Variants in ETV6 observed in about 807,000 individuals in gnomAD.
ETV6 encodes the protein ETS variant transcription factor 6, also known as transcription factor ETV6.
Under a neutral mutation model 51.1 loss-of-function variants are expected in ETV6, and 16 were observed. The observed-to-expected ratio is 0.31, with a 90% CI of 0.21 to 0.48. The LOEUF (loss-of-function observed/expected upper bound fraction) is 0.48, where lower values mean the gene tolerates loss of function less well. Ranked by LOEUF, ETV6 falls within the 20% of genes least tolerant of loss-of-function variation. ETV6 has a pLI of 0.99. For synonymous variants in ETV6, 240 were observed against 224.1 expected (o/e 1.07, Z -0.64); for missense variants, 458 against 594.8 (o/e 0.77, Z 2.39).
chr12:11,814,788 T>C (rs1332448300), intron 2 of ETV6, among the ~76,000 whole-genome samples: 1 of 152,148 alleles, frequency 6.6e-6, no homozygotes, highest in East Asian at 1.9e-4. Context: ...TGTCTAGGAA[T>C]GCAGGGGTTA....
At chr12:11,682,486 T>G (rs1864550017) in intron 1 of ETV6, among the ~76,000 whole-genome samples, 1 of 152,218 alleles carries the variant, frequency 6.6e-6, no homozygotes, top group Admixed American at 6.5e-5. Context: ...ATGGATAGAT[T>G]GCAAAAATTT....
At chr12:11,783,361 G>C (rs1348781594) in intron 2 of ETV6, among the ~76,000 whole-genome samples, 2 of 152,182 alleles carry the variant, frequency 1.3e-5, no homozygotes, top group East Asian at 3.8e-4. Flanking sequence ...GCTTTTCCAA[G>C]TAGGGAAGTC....
intron 2 of ETV6, among the ~76,000 whole-genome samples, chr12:11,792,406 C>T (rs758323994): frequency 3.3e-5 from 5 of 152,098 alleles, no homozygotes; most frequent in South Asian, 4.1e-4. Context: ...AATTAATCCT[C>T]GGCCAGGCGA....
intron 1 of ETV6, among the ~76,000 whole-genome samples, chr12:11,751,636 G>T (rs1591649341): frequency 6.6e-6 from 1 of 152,158 alleles, no homozygotes; most frequent in Non-Finnish European, 1.5e-5. Flanking sequence ...AACACTGCTT[G>T]TTTGAATTCA....
At chr12:11,859,516 T>A (rs923897705) in intron 4 of ETV6, among the ~76,000 whole-genome samples, 1 of 152,086 alleles carries the variant, frequency 6.6e-6, no homozygotes, top group African/African-American at 2.4e-5. Context: ...TGTTCTAAGC[T>A]CTTATATCTT....
chr12:11,827,566 C>T (rs1657805579), intron 2 of ETV6, among the ~76,000 whole-genome samples: 1 of 152,080 alleles, frequency 6.6e-6, no homozygotes, highest in Admixed American at 6.5e-5. Context: ...CACCTCCTGT[C>T]CACCTCCACC....
intron 2 of ETV6, among the ~76,000 whole-genome samples, chr12:11,753,874 T>C (rs563152496): frequency 4.6e-5 from 7 of 152,358 alleles, no homozygotes; most frequent in African/African-American, 1.7e-4. Context: ...GGTCAAGACA[T>C]TTCTGCTTCA....
chr12:11,784,412 T>C (rs1336479754), intron 2 of ETV6, among the ~76,000 whole-genome samples: 1 of 143,420 alleles, frequency 7.0e-6, no homozygotes, highest in Non-Finnish European at 1.5e-5. Context: ...TGAGCCGAGA[T>C]CACGCCACTG....
chr12:11,832,201 A>T (rs1946253562), intron 2 of ETV6, among the ~76,000 whole-genome samples: 1 of 152,192 alleles, frequency 6.6e-6, no homozygotes, highest in Non-Finnish European at 1.5e-5. Context: ...ATGGGGTTGG[A>T]TGGGGTAACA....
intron 1 of ETV6, among the ~76,000 whole-genome samples, chr12:11,684,563 A>T (rs1198323704): frequency 6.6e-6 from 1 of 152,206 alleles, no homozygotes; most frequent in African/African-American, 2.4e-5. Context: ...TTCAACAGTG[A>T]TCACTACGTG....
chr12:11,839,109 C>CT, intron 2 of ETV6, 31 bp from the exon 3 acceptor site: 2 of 1,598,664 alleles, frequency 1.3e-6, no homozygotes, highest in Non-Finnish European at 1.7e-6. Flanking sequence ...ACCTTTCTCT[C>CT]TTTCTTTCTG....
At chr12:11,731,088 G>A (rs1269573303) in intron 1 of ETV6, among the ~76,000 whole-genome samples, 1 of 152,168 alleles carries the variant, frequency 6.6e-6, no homozygotes, top group East Asian at 1.9e-4. Flanking sequence ...AAGTGCTGCT[G>A]GGGAGAAATG....
At chr12:11,816,340 G>A (rs1261768294) in intron 2 of ETV6, among the ~76,000 whole-genome samples, 2 of 152,232 alleles carry the variant, frequency 1.3e-5, no homozygotes, top group Non-Finnish European at 2.9e-5. Context: ...TGTCTCCCAG[G>A]TTCACACCAT....
At chr12:11,672,277 G>T (rs1319961780) in intron 1 of ETV6, among the ~76,000 whole-genome samples, 1 of 152,088 alleles carries the variant, frequency 6.6e-6, no homozygotes, top group Non-Finnish European at 1.5e-5. Flanking sequence ...AACAGAAAAT[G>T]CCCTGAACAC....
intron 1 of ETV6, among the ~76,000 whole-genome samples, chr12:11,724,437 G>A (rs968681767): frequency 6.6e-6 from 1 of 152,232 alleles, no homozygotes; most frequent in Non-Finnish European, 1.5e-5. Context: ...TCTGTATGCG[G>A]TGTGATTTTC....
intron 1 of ETV6, among the ~76,000 whole-genome samples, chr12:11,728,153 C>T (rs1865524723): frequency 6.6e-6 from 1 of 152,178 alleles, no homozygotes; most frequent in Non-Finnish European, 1.5e-5. Flanking sequence ...GCCTGTGCTT[C>T]AGTTCATGGG....
chr12:11,683,282 G>C (rs1285680649), intron 1 of ETV6, among the ~76,000 whole-genome samples: 2 of 152,192 alleles, frequency 1.3e-5, no homozygotes, highest in Non-Finnish European at 2.9e-5. Context: ...GACCTCAAGT[G>C]ATCCGCCAGC....
At chr12:11,795,074 G>C (rs914457375) in intron 2 of ETV6, among the ~76,000 whole-genome samples, 1 of 152,228 alleles carries the variant, frequency 6.6e-6, no homozygotes, top group Non-Finnish European at 1.5e-5. Context: ...GATAGTCTAA[G>C]AGTACAAGGC....
In ETV6 at chr12:11,826,753, C is replaced by T. The variant is rs577914868; in HGVS notation, c.164-12387C>T. 3.3e-5 allele frequency among the ~76,000 whole-genome samples: 5 copies of T among 152,224 alleles called. No homozygotes were observed. In the South Asian group the frequency reaches 1.0e-3, roughly 32 times the overall value. ...AAAAGTGTTCTGCAGCAAGGGAGGG[C>T]CTCCCAGTATGAGCCTTGGAGTCTC... On this transcript the variant is annotated intron_variant, in intron 2 of 7. Coordinates refer to ENST00000396373, the MANE Select transcript of ETV6 (RefSeq NM_001987.5).
Sources: gnomAD v4.1 joint callset for allele counts (sites outside exome capture counted in the v4.1 genomes callset) on GRCh38, gnomAD v4.1.1 for gene constraint, MANE v1.5 for transcripts, NCBI Gene and HGNC (gene_info 2026-07-23, HGNC 2026-07-21) for gene names.